Variants in MOG observed in about 807,000 individuals in gnomAD.
MOG encodes the protein myelin-oligodendrocyte glycoprotein.
Under a neutral mutation model 35.9 loss-of-function variants are expected in MOG, and 20 were observed. The observed-to-expected ratio is 0.56, with a 90% CI of 0.39 to 0.81. The LOEUF (loss-of-function observed/expected upper bound fraction) is 0.81. MOG is among the 30% of genes least tolerant of loss of function. The pLI, the probability that MOG is intolerant of heterozygous loss-of-function variation, is 0.00. For synonymous variants in MOG, 92 were observed against 114.3 expected (o/e 0.80, Z 1.25); for missense variants, 251 against 301.0 (o/e 0.83, Z 1.23).
chr6:29,660,975 C>T (rs879869881), intron 2 of MOG, among the ~76,000 whole-genome samples: 1 of 152,140 alleles, frequency 6.6e-6, no homozygotes, highest in Non-Finnish European at 1.5e-5. Context: ...TCCCAAAGTG[C>T]TGGGATTACA....
chr6:29,663,336 A>G (rs539422617), intron 2 of MOG, among the ~76,000 whole-genome samples: 5 of 151,746 alleles, frequency 3.3e-5, no homozygotes, highest in Admixed American at 6.6e-5. Context: ...CCACAATACT[A>G]TTATCACATC....
Position 29,670,185 on chromosome 6 carries a change from G to A in MOG, c.593-96G>A. ...AATTTTGTCCCCAGAGTCCTTTGGTGTTCTAGGACCCCAGGTTAAGGAACC... is the reference window on the plus strand; with the variant it reads ...AATTTTGTCCCCAGAGTCCTTTGGTATTCTAGGACCCCAGGTTAAGGAACC... On this transcript the variant is annotated intron_variant, in intron 5 of 7. Transcript: ENST00000376917. This position sits in a 1 kb window ranked among gnomAD's most constrained non-coding sequence, Gnocchi z 4.2. The A allele has an allele frequency of 6.2e-7, 1 of 1,612,452 alleles. No individual in the cohort carries two copies.
chr6:29,661,013 A>G (rs1768592324), intron 2 of MOG, among the ~76,000 whole-genome samples: 1 of 152,056 alleles, frequency 6.6e-6, no homozygotes, highest in Non-Finnish European at 1.5e-5. Context: ...CCGGCCTCAG[A>G]ATTTCATTTT....
intron 1 of MOG, 117 bp from the exon 2 acceptor site, chr6:29,659,202 C>A: frequency 1.2e-6 from 1 of 854,594 alleles, no homozygotes; most frequent in South Asian, 1.4e-5. Context: ...TCTAGAATGT[C>A]ATTTAAAAGT....
At chr6:29,660,529 C>CAA (rs1311423493) in intron 2 of MOG, among the ~76,000 whole-genome samples, 14 of 59,536 alleles carry the variant, frequency 2.4e-4, no homozygotes, top group Non-Finnish European at 4.2e-4. Context: ...GACTCCGTCT[C>CAA]AAAAAAAAAA....
chr6:29,660,620 A>C (rs1349788214), intron 2 of MOG, among the ~76,000 whole-genome samples: 1 of 150,488 alleles, frequency 6.6e-6, no homozygotes, highest in South Asian at 2.2e-4. Flanking sequence ...TAAGCAAGTA[A>C]ATCAAATGTC....
chr6:29,658,984 T>A (rs1334848346), intron 1 of MOG, among the ~76,000 whole-genome samples: 4 of 151,806 alleles, frequency 2.6e-5, no homozygotes, highest in Non-Finnish European at 5.9e-5. Context: ...CGGCGGTAGG[T>A]GCCTGTAATG....
Position 29,662,036 on chromosome 6 carries a change from AGTAATGGTATTATT to A in MOG, c.436+2372_436+2385del, listed in dbSNP as rs1470355465. ...TGAGACAAATTTAGGAATGAGATGA[AGTAATGGTATTATT>A]GCAAGTCTCAGGTGTAACTACCTCT... On this transcript the variant is annotated intron_variant, in intron 2 of 7. Coordinates refer to ENST00000376917, the MANE Select transcript of MOG (RefSeq NM_206809.4). This position sits in a 1 kb window ranked among gnomAD's most constrained non-coding sequence, Gnocchi z 4.2. 1.9e-5 allele frequency: 19 copies of A among 985,296 alleles called. No individual in the cohort carries two copies. Among genetic ancestry groups the A allele is most frequent in the Non-Finnish European group, 2.2e-5 (18 of 829,938 alleles). 61.0% of individuals were successfully genotyped at this position (985,296 alleles called of 1,614,324 possible). A position where few individuals can be genotyped will look rare whatever the true frequency, so the allele number is the denominator to read the frequency against.
Position 29,659,331 on chromosome 6 carries a change from T to C in MOG, c.101T>C (p.Val34Ala). ...VSSSYAGQFR[V>A]IGPRHPIRAL... ...GTGTCTTGGACAGGGCAGTTCAGAGTGATAGGACCAAGACACCCTATCCGG... is the reference window on the plus strand; with the variant it reads ...GTGTCTTGGACAGGGCAGTTCAGAGCGATAGGACCAAGACACCCTATCCGG... The change falls in exon 2 of 8, where the codon GTG (valine) becomes GCG (alanine). Residue 34 changes from valine to alanine, a missense_variant. By Grantham distance (64) the Val-to-Ala change is moderately conservative. Coordinates refer to ENST00000376917, the MANE Select transcript of MOG (RefSeq NM_206809.4). 1.2e-6 allele frequency: 2 copies of C among 1,612,682 alleles called. No individual in the cohort carries two copies. The highest frequency in any genetic ancestry group is 2.2e-5 in the East Asian group (1 of 44,866).
At position 29,670,485 on chromosome 6, in the gene MOG, G is replaced by A; in HGVS notation, c.709+88G>A. ...GGAAGCCAAAAGAGAATAGAACCAG[G>A]ACTCAAGATTAGGGGAGCTGGGATT... On this transcript the variant is annotated intron_variant, in intron 6 of 7. Coordinates refer to ENST00000376917, the MANE Select transcript of MOG (RefSeq NM_206809.4). The surrounding 1 kb of genome is among the most constrained non-coding windows in gnomAD (Gnocchi z 4.2). 6.6e-7 allele frequency: 1 copy of A among 1,510,952 alleles called. No individual in the cohort carries two copies. Among genetic ancestry groups the A allele is most frequent in the East Asian group, 2.3e-5 (1 of 44,424 alleles). The allele number at this position is 1,510,952 out of a possible 1,614,324, so 93.6% of individuals were successfully genotyped here. A position where few individuals can be genotyped will look rare whatever the true frequency, so the allele number is the denominator to read the frequency against.
At chr6:29,658,106 G>A (rs1188300235) in intron 1 of MOG, among the ~76,000 whole-genome samples, 1 of 152,228 alleles carries the variant, frequency 6.6e-6, no homozygotes, top group Non-Finnish European at 1.5e-5. Context: ...GCTTAGCAGT[G>A]CCTGTCCATA....
At chr6:29,661,567 T>C (rs3130251) in intron 2 of MOG, 213,235 of 983,712 alleles carry the variant, frequency 0.22, 24,212 homozygotes, top group East Asian at 0.32. Context: ...ACACCTATAA[T>C]CCCAAAACTT....
At chr6:29,664,577 G>T in intron 2 of MOG, 1 of 447,972 alleles carries the variant, frequency 2.2e-6, no homozygotes, top group South Asian at 1.6e-5. Context: ...CCTTCCGCAA[G>T]CTGATGAAGT....
intron 1 of MOG, 151 bp from the exon 2 acceptor site, chr6:29,659,168 A>G: frequency 1.4e-6 from 1 of 715,234 alleles, no homozygotes; most frequent in Non-Finnish European, 2.5e-6. Context: ...AAGAAGAAGA[A>G]GAACAATTGC....
In MOG at chr6:29,666,212, T is replaced by C; in HGVS notation, c.497T>C (p.Leu166Pro). 1 of 1,612,916 alleles carries C rather than the reference T, an allele frequency of 6.2e-7. No homozygotes were observed. The highest frequency in any genetic ancestry group is 8.5e-7 in the Non-Finnish European group (1 of 1,179,888). Residue 166 changes from leucine to proline, a missense_variant, in exon 3 of 8, where the codon CTC becomes CCC. Transcript: ENST00000376917. Reference sequence around the variant, plus strand: ...CTCCTCGCGGTGCTGCCTGTGCTCCTCCTGCAGATCACTGTTGGCCTCATC... The same window carrying C: ...CTCCTCGCGGTGCTGCCTGTGCTCCCCCTGCAGATCACTGTTGGCCTCATC... ...LVLLAVLPVL[L>P]LQITVGLIFL...
At chr6:29,666,033 T>A in intron 2 of MOG, 119 bp from the exon 3 acceptor site, 1 of 797,198 alleles carries the variant, frequency 1.3e-6, no homozygotes, top group South Asian at 1.3e-5. Flanking sequence ...TGTGTCACCT[T>A]CTTTGAATCC....
chr6:29,667,030 C>CA (rs1020336764), intron 3 of MOG, among the ~76,000 whole-genome samples: 2 of 152,040 alleles, frequency 1.3e-5, no homozygotes, highest in African/African-American at 2.4e-5. Flanking sequence ...TTCTTCCACA[C>CA]AAAAAAAGGC....
chr6:29,657,297 G>A lies in MOG; in HGVS notation c.88G>A (p.Gly30Arg), dbSNP rs1767304625. 6.3e-7 allele frequency: 1 copy of A among 1,585,168 alleles called. No homozygotes were observed. ...CCTCCAAGTGTCTTCCAGCTATGCA[G>A]GTAAGACATGTTTTTTTTCCTGCCC... is the stretch of plus-strand genomic sequence containing the variant. ...LLLQVSSSYA[G>R]QFRVIGPRHP... The change falls in exon 1 of 8, where the codon GGG (glycine) becomes AGG (arginine). Residue 30 changes from glycine (G) to arginine (R), a missense_variant and splice_region_variant. Transcript: ENST00000376917.
At chr6:29,663,097 A>G (rs577135413) in intron 2 of MOG, among the ~76,000 whole-genome samples, 2 of 152,224 alleles carry the variant, frequency 1.3e-5, no homozygotes, top group East Asian at 3.9e-4. Flanking sequence ...GTGAAACCCC[A>G]TTTCTACTAC....
Sources: gnomAD v4.1 joint callset for allele counts (sites outside exome capture counted in the v4.1 genomes callset) on GRCh38, gnomAD v4.1.1 for gene constraint, Gnocchi (gnomAD v3.1) non-coding constraint, MANE v1.5 for transcripts, NCBI Gene and HGNC (gene_info 2026-07-23, HGNC 2026-07-21) for gene names.